The following ZFAND3 variants were observed in gnomAD, a reference collection of about 807,000 sequenced individuals.
The protein encoded by ZFAND3 is AN1-type zinc finger protein 3.
ZFAND3 carries 10 observed loss-of-function variants against 29.6 expected under a neutral mutation model. That is an observed-to-expected ratio of 0.34 (90% CI 0.21 to 0.57). ZFAND3 has a LOEUF of 0.57. ZFAND3 is among the 20% of genes least tolerant of loss of function. The pLI is 0.86. For synonymous variants in ZFAND3, 128 were observed against 112.6 expected (o/e 1.14, Z -0.87); for missense variants, 230 against 304.5 (o/e 0.76, Z 1.82).
chr6:38,008,244 AG>A (rs1328050633), intron 2 of ZFAND3, among the ~76,000 whole-genome samples: 2 of 152,186 alleles, frequency 1.3e-5, no homozygotes, highest in African/African-American at 4.8e-5. Flanking sequence ...TAGTATAGAA[AG>A]GCCTTGAGAC....
At chr6:37,835,308 G>A (rs1330469570) in intron 1 of ZFAND3, among the ~76,000 whole-genome samples, 1 of 151,956 alleles carries the variant, frequency 6.6e-6, no homozygotes, top group Admixed American at 6.6e-5. Flanking sequence ...CCAGGTGTGT[G>A]CCACCACACT....
chr6:38,135,348 G>T (rs1191938029), intron 5 of ZFAND3, among the ~76,000 whole-genome samples: 1 of 152,210 alleles, frequency 6.6e-6, no homozygotes, highest in Non-Finnish European at 1.5e-5. Context: ...AAAATAATTG[G>T]ATTAACTGGC....
intron 3 of ZFAND3, among the ~76,000 whole-genome samples, chr6:38,070,172 C>T (rs912591451): frequency 3.9e-5 from 6 of 152,098 alleles, no homozygotes; most frequent in Admixed American, 3.9e-4. Flanking sequence ...CGCCTGTAAT[C>T]CCAGCACTTT....
intron 1 of ZFAND3, among the ~76,000 whole-genome samples, chr6:37,884,149 CA>C (rs1764947342): frequency 6.9e-6 from 1 of 145,064 alleles, no homozygotes; most frequent in African/African-American, 2.8e-5. Context: ...CAGGGCTTTA[CA>C]AGTGATTGAA....
chr6:38,153,191 G>T lies in ZFAND3; in HGVS notation c.*802G>T. 1 of 985,296 alleles carries T rather than the reference G, an allele frequency of 1.0e-6. No homozygotes were observed. The highest frequency in any genetic ancestry group is 1.2e-6 in the Non-Finnish European group (1 of 829,752). 61.0% of individuals were successfully genotyped at this position (985,296 alleles called of 1,614,324 possible). On this transcript the variant is annotated 3_prime_UTR_variant, in exon 6 of 6. Transcript: ENST00000287218. Reference sequence around the variant, plus strand: ...CAGTGCAGGGATCTGGCACGGACCAGATGTGGCGAATGGCAGCACAGCGCG... The same window carrying T: ...CAGTGCAGGGATCTGGCACGGACCATATGTGGCGAATGGCAGCACAGCGCG...
At chr6:37,975,643 G>A (rs1291170556) in intron 2 of ZFAND3, among the ~76,000 whole-genome samples, 1 of 152,102 alleles carries the variant, frequency 6.6e-6, no homozygotes, top group Non-Finnish European at 1.5e-5. Context: ...AGTTGAAAAG[G>A]CTATCTTTCT....
rs991566411 is a variant in ZFAND3 at position 38,153,272 on chromosome 6, T to A, written c.*883T>A. ...CCAGATTTCTATATTGGGAGTTTTT[T>A]AAAAAGACATTTCATAGCCAACAAG... On this transcript the variant is annotated 3_prime_UTR_variant, in exon 6 of 6. Coordinates refer to ENST00000287218, the MANE Select transcript of ZFAND3 (RefSeq NM_021943.3). 2.0e-6 allele frequency: 2 copies of A among 985,354 alleles called. No homozygotes were observed. The highest frequency in any genetic ancestry group is 2.3e-4 in the East Asian group (2 of 8,820). The allele number at this position is 985,354 out of a possible 1,614,324, so 61.0% of individuals were successfully genotyped here. A position where few individuals can be genotyped will look rare whatever the true frequency, so the allele number is the denominator to read the frequency against.
chr6:37,828,656 C>CTTT (rs56234016), intron 1 of ZFAND3, among the ~76,000 whole-genome samples: 3 of 149,454 alleles, frequency 2.0e-5, no homozygotes, highest in Non-Finnish European at 3.0e-5. Context: ...ATTTTCTTTT[C>CTTT]TTTTTTTTTT....
chr6:37,821,461 A>G lies in ZFAND3; in HGVS notation c.71+1445A>G, dbSNP rs1763665196. Among the ~76,000 whole-genome samples, 3 of 152,232 alleles carry G rather than the reference A, an allele frequency of 2.0e-5. No individual in the cohort carries two copies. In the South Asian group the frequency reaches 6.2e-4, roughly 31 times the overall value. ...CATGGACTGTCTAATTCCCACAAGA[A>G]TCTTGCGAGGTAGGAACCATTATCT... is the stretch of plus-strand genomic sequence containing the variant. On this transcript the variant is annotated intron_variant, in intron 1 of 5. Coordinates refer to ENST00000287218, the MANE Select transcript of ZFAND3 (RefSeq NM_021943.3).
chr6:37,838,833 C>G (rs1280539546), intron 1 of ZFAND3, among the ~76,000 whole-genome samples: 1 of 152,080 alleles, frequency 6.6e-6, no homozygotes, highest in Non-Finnish European at 1.5e-5. Flanking sequence ...ATTTGAATAC[C>G]TAGGAGGGGA....
At chr6:38,008,220 G>A (rs1015591222) in intron 2 of ZFAND3, among the ~76,000 whole-genome samples, 5 of 152,016 alleles carry the variant, frequency 3.3e-5, no homozygotes, top group Non-Finnish European at 7.4e-5. Flanking sequence ...ATTAAGACTA[G>A]CCTTAAAAAA....
At chr6:37,990,661 A>T (rs1762743168) in intron 2 of ZFAND3, among the ~76,000 whole-genome samples, 2 of 152,266 alleles carry the variant, frequency 1.3e-5, no homozygotes, top group African/African-American at 4.8e-5. Flanking sequence ...AAATATAATC[A>T]GTATAAAAGT....
At chr6:37,881,529 T>C (rs768067528) in intron 1 of ZFAND3, among the ~76,000 whole-genome samples, 1 of 152,208 alleles carries the variant, frequency 6.6e-6, no homozygotes, top group East Asian at 1.9e-4. Flanking sequence ...GAGGGGAAGC[T>C]GTTAGCTCTG....
At position 37,937,583 on chromosome 6, in the gene ZFAND3, AG is replaced by A. The variant is rs565008863; in HGVS notation, c.112+7585del. On this transcript the variant is annotated intron_variant, in intron 2 of 5. Transcript: ENST00000287218. ...GGCAGAAGAATCGCTTGAACCAGGGAGTCGGAGGTTGCAGTGAGCCGAGATC... is the reference window on the plus strand; with the variant it reads ...GGCAGAAGAATCGCTTGAACCAGGGATCGGAGGTTGCAGTGAGCCGAGATC... Among the ~76,000 whole-genome samples, 410 of 136,130 alleles carry A rather than the reference AG, an allele frequency of 3.0e-3. 1 individual carries two copies. The highest frequency in any genetic ancestry group is 0.01 in the African/African-American group (389 of 37,192). The allele number at this position is 136,130 out of a possible 152,430, so 89.3% of individuals were successfully genotyped here.
chr6:38,122,915 GC>G (rs1765562395), intron 5 of ZFAND3, among the ~76,000 whole-genome samples: 1 of 152,218 alleles, frequency 6.6e-6, no homozygotes, highest in African/African-American at 2.4e-5. Context: ...CTTGGGCAAA[GC>G]TGGTATTTAG....
Position 37,821,123 on chromosome 6 carries a change from A to G in ZFAND3, c.71+1107A>G, listed in dbSNP as rs544948062. Among the ~76,000 whole-genome samples, 5 of 152,352 alleles carry G rather than the reference A, an allele frequency of 3.3e-5. No individual in the cohort carries two copies. The South Asian group carries it at 8.3e-4, about 25-fold the overall frequency. On this transcript the variant is annotated intron_variant, in intron 1 of 5. Transcript: ENST00000287218. Reference sequence around the variant, plus strand: ...AGGACATCTTGGGAAGAAGTATGGAAGTAGTTTTCCCTTTGCTATCTCCCA... The same window carrying G: ...AGGACATCTTGGGAAGAAGTATGGAGGTAGTTTTCCCTTTGCTATCTCCCA...
chr6:37,964,760 T>G (rs1355494226), intron 2 of ZFAND3, among the ~76,000 whole-genome samples: 1 of 152,218 alleles, frequency 6.6e-6, no homozygotes, highest in Non-Finnish European at 1.5e-5. Context: ...TTTTCTTTTA[T>G]TACTTTATGT....
At chr6:38,089,163 G>A (rs1764816027) in intron 4 of ZFAND3, among the ~76,000 whole-genome samples, 1 of 151,740 alleles carries the variant, frequency 6.6e-6, no homozygotes. Flanking sequence ...CACCCAGGCT[G>A]GAGTACAGTG....
At chr6:37,999,149 T>C (rs1402454203) in intron 2 of ZFAND3, among the ~76,000 whole-genome samples, 1 of 152,172 alleles carries the variant, frequency 6.6e-6, no homozygotes, top group African/African-American at 2.4e-5. Flanking sequence ...AGGGGGCATG[T>C]CAGAGGGACA....
Sources: allele counts gnomAD v4.1 joint callset (sites outside exome capture counted in the v4.1 genomes callset), GRCh38; gene constraint gnomAD v4.1.1; transcripts MANE v1.5; gene names NCBI Gene and HGNC (gene_info 2026-07-23, HGNC 2026-07-21).